Variants in HEATR1 observed in about 807,000 individuals in gnomAD.
HEATR1 encodes the protein HEAT repeat containing 1.
In HEATR1, 77 loss-of-function variants were observed where a neutral mutation model predicts 248.2. The ratio of observed to expected loss-of-function variants is 0.31; its 90% confidence interval spans 0.26 to 0.37. The LOEUF (loss-of-function observed/expected upper bound fraction) is 0.37. Ranked by LOEUF, HEATR1 falls within the 10% of genes least tolerant of loss-of-function variation. The pLI is 1.00. For synonymous variants in HEATR1, 897 were observed against 923.1 expected (o/e 0.97, Z 0.51); for missense variants, 2,420 against 2,504.9 (o/e 0.97, Z 0.72).
At chr1:236,601,003 C>A (rs925842469) in intron 3 of HEATR1, among the ~76,000 whole-genome samples, 15 of 152,040 alleles carry the variant, frequency 9.9e-5, no homozygotes, top group Non-Finnish European at 5.9e-5. Flanking sequence ...TTAGTATTTG[C>A]TGAATAAATA....
intron 3 of HEATR1, among the ~76,000 whole-genome samples, chr1:236,602,458 TG>T (rs1449079577): frequency 2.0e-5 from 3 of 152,238 alleles, no homozygotes; most frequent in Admixed American, 6.5e-5. Flanking sequence ...AGTGTATAAA[TG>T]CTCAAAAACA....
chr1:236,557,837 T>C (rs1388233097), intron 36 of HEATR1, among the ~76,000 whole-genome samples: 1 of 152,214 alleles, frequency 6.6e-6, no homozygotes, highest in African/African-American at 2.4e-5. Context: ...TTGACTATAC[T>C]AGACAAAAGG....
intron 12 of HEATR1, among the ~76,000 whole-genome samples, chr1:236,588,680 T>C (rs1663956393): frequency 6.6e-6 from 1 of 152,216 alleles, no homozygotes; most frequent in African/African-American, 2.4e-5. Flanking sequence ...AAACAATGTA[T>C]ATTCATTCAC....
At chr1:236,600,272 T>G (rs2853624) in intron 3 of HEATR1, among the ~76,000 whole-genome samples, 93,639 of 150,592 alleles carry the variant, frequency 0.62, 30,770 homozygotes, top group East Asian at 0.75. Context: ...GACTACAAAC[T>G]CATACCACCA....
intron 29 of HEATR1, among the ~76,000 whole-genome samples, chr1:236,568,367 C>G (rs781207974): frequency 2.6e-5 from 4 of 152,190 alleles, no homozygotes; most frequent in African/African-American, 9.7e-5. Flanking sequence ...AAAGAAGGTG[C>G]TGAATATGGT....
chr1:236,566,141 G>A lies in HEATR1; in HGVS notation c.4309-96C>T, dbSNP rs1299159254. On this transcript the variant is annotated intron_variant, in intron 30 of 44. Coordinates refer to ENST00000366582, the MANE Select transcript of HEATR1 (RefSeq NM_018072.6). ...GCGTTAGGATTTCTAGCAGAACAGA[G>A]TATACTACTTTATTTAGAGTGGGTC... 3 of 1,217,620 alleles carry A rather than the reference G, an allele frequency of 2.5e-6. No homozygotes were observed. The Admixed American group carries it at 7.1e-5, about 29-fold the overall frequency. 75.4% of individuals were successfully genotyped at this position (1,217,620 alleles called of 1,614,324 possible).
rs769857743 is a variant in HEATR1, at chr1:236,603,373, C to T, written c.146G>A (p.Cys49Tyr). The change falls in exon 3 of 45, where the codon TGT (cysteine) becomes TAT (tyrosine). Residue 49 changes from cysteine to tyrosine, a missense_variant. Transcript: ENST00000366582. ...IDRDTAFAIG[C>Y]TGLEELLGID... Reference sequence around the variant, plus strand: ...TCCAAGCAACTCTTCCAGGCCAGTACATCCTAAATTTCAAAAAAGGCCAGT... The same window carrying T: ...TCCAAGCAACTCTTCCAGGCCAGTATATCCTAAATTTCAAAAAAGGCCAGT... 2 of 1,612,966 alleles carry T rather than the reference C, an allele frequency of 1.2e-6. No individual in the cohort carries two copies. Among genetic ancestry groups the T allele is most frequent in the Non-Finnish European group, 8.5e-7 (1 of 1,179,674 alleles).
chr1:236,572,148 C>T (rs905480355), intron 26 of HEATR1, among the ~76,000 whole-genome samples: 6 of 152,108 alleles, frequency 3.9e-5, no homozygotes, highest in African/African-American at 1.2e-4. Flanking sequence ...CAAGTAATGA[C>T]GTCCCAGGCA....
chr1:236,587,955 G>A lies in HEATR1; in HGVS notation c.1619C>T (p.Ala540Val). 6.2e-7 allele frequency: 1 copy of A among 1,607,676 alleles called. No individual in the cohort carries two copies. Among genetic ancestry groups the A allele is most frequent in the Non-Finnish European group, 8.5e-7 (1 of 1,176,310 alleles). The change falls in exon 13 of 45, where the codon GCT becomes GTT. Residue 540 changes from alanine (A) to valine (V), a missense_variant. Physicochemically the swap from Ala to Val is moderately conservative, Grantham distance 64. Transcript: ENST00000366582. ...AATGACAAATTCACTCACCTCAAAA[G>A]CACTTATAGCCGACAAAACAACATC... ...NIDVVLSAIS[A>V]FEIFKEHFSS...
chr1:236,574,076 G>T (rs1356835901), intron 24 of HEATR1, 126 bp downstream of exon 24: 1 of 730,934 alleles, frequency 1.4e-6, no homozygotes, highest in African/African-American at 1.8e-5. Flanking sequence ...ACTTTTCCAT[G>T]ATTTTTGTTA....
intron 22 of HEATR1, among the ~76,000 whole-genome samples, chr1:236,575,856 C>T (rs1295988506): frequency 1.3e-5 from 2 of 152,156 alleles, no homozygotes; most frequent in African/African-American, 2.4e-5. Flanking sequence ...TTCATAGACT[C>T]GTGTCCAAAT....
chr1:236,581,644 A>T (rs1164702752), intron 19 of HEATR1, among the ~76,000 whole-genome samples: 1 of 152,236 alleles, frequency 6.6e-6, no homozygotes, highest in Admixed American at 6.5e-5. Context: ...GAAAACACAG[A>T]ACCAAGACAA....
chr1:236,590,882 T>C lies in HEATR1; in HGVS notation c.1495A>G (p.Met499Val), dbSNP rs202190512. The stretch of plus-strand genomic sequence containing the variant: ...TTCATGATCTTTTTCAAATGATTCA[T>C]GGCCAGAATTCTCACAGGAGCAAGT... ...HPLAPVRILA[M>V]NHLKKIMKTS... The change falls in exon 12 of 45, where the codon ATG becomes GTG. Residue 499 changes from methionine to valine, a missense_variant. Physicochemically the swap from Met to Val is conservative, Grantham distance 21. Coordinates refer to ENST00000366582, the MANE Select transcript of HEATR1 (RefSeq NM_018072.6). 1.4e-4 allele frequency: 210 copies of C among 1,522,790 alleles called. No homozygotes were observed. The highest frequency in any genetic ancestry group is 1.7e-4 in the Non-Finnish European group (189 of 1,128,044). The allele number at this position is 1,522,790 out of a possible 1,614,324, so 94.3% of individuals were successfully genotyped here.
At chr1:236,583,832 A>G (rs1663817777) in intron 17 of HEATR1, among the ~76,000 whole-genome samples, 1 of 152,224 alleles carries the variant, frequency 6.6e-6, no homozygotes, top group Non-Finnish European at 1.5e-5. Flanking sequence ...TTGGATTGCC[A>G]AGACATAGTT....
At chr1:236,595,723 T>C in intron 7 of HEATR1, 50 bp from the exon 8 acceptor site, 2 of 1,557,870 alleles carry the variant, frequency 1.3e-6, no homozygotes, top group Non-Finnish European at 8.8e-7. Flanking sequence ...AGTTAGACAA[T>C]GAGTAACAAT....
intron 22 of HEATR1, 66 bp from the exon 23 acceptor site, chr1:236,574,969 A>G: frequency 2.1e-6 from 3 of 1,453,186 alleles, no homozygotes; most frequent in Non-Finnish European, 2.8e-6. Context: ...CACTCTACAG[A>G]GACACTCAAA....
chr1:236,553,711 T>C lies in HEATR1; in HGVS notation c.6107A>G (p.Lys2036Arg), dbSNP rs754270047. 6.2e-7 allele frequency: 1 copy of C among 1,613,380 alleles called. No homozygotes were observed. The highest frequency in any genetic ancestry group is 2.2e-5 in the East Asian group (1 of 44,844). The change falls in exon 43 of 45, where the codon AAA becomes AGA. Residue 2036 changes from lysine (K) to arginine (R), a missense_variant. By Grantham distance (26) the Lys-to-Arg change is conservative. Coordinates refer to ENST00000366582, the MANE Select transcript of HEATR1 (RefSeq NM_018072.6). ...GTGCTTTGTCACCCGTTCCTGGAAT[T>C]TCTCTTCTCCCCCAAGCCTGTTTTC... is the stretch of plus-strand genomic sequence containing the variant. The part of the protein sequence containing the change: ...QLENRLGGEE[K>R]FQERVTKHLI...
At chr1:236,599,747 T>C in intron 3 of HEATR1, 123 bp from the exon 4 acceptor site, 1 of 894,244 alleles carries the variant, frequency 1.1e-6, no homozygotes, top group South Asian at 2.2e-5. Flanking sequence ...GCAGTAAAAA[T>C]CACAAAATTA....
chr1:236,583,247 T>A, intron 17 of HEATR1, 51 bp from the exon 18 acceptor site: 1 of 1,460,936 alleles, frequency 6.8e-7, no homozygotes, highest in Non-Finnish European at 9.3e-7. Flanking sequence ...GTTCTGAACA[T>A]GGGTTATATG....
Sources: gnomAD v4.1 joint callset for allele counts (sites outside exome capture counted in the v4.1 genomes callset) on GRCh38, gnomAD v4.1.1 for gene constraint, MANE v1.5 for transcripts, NCBI Gene and HGNC (gene_info 2026-07-23, HGNC 2026-07-21) for gene names.